WNK2: variants seen among roughly 807,000 people sequenced by gnomAD.
WNK2 encodes WNK lysine deficient protein kinase 2.
WNK2 carries 67 observed loss-of-function variants against 192.1 expected under a neutral mutation model. The observed-to-expected ratio is 0.35, with a 90% CI of 0.29 to 0.43. The LOEUF is 0.43. WNK2 is among the 20% of genes least tolerant of loss of function. WNK2 has a pLI of 1.00. For synonymous variants in WNK2, 1,439 were observed against 1,393.9 expected, an observed-to-expected ratio of 1.03 and a Z score of -0.72; for missense variants, 2,698 against 3,089.7, an observed-to-expected ratio of 0.87 and a Z score of 3.01.
intron 2 of WNK2, among the ~76,000 whole-genome samples, chr9:93,208,924 G>A (rs1016340992): frequency 1.3e-5 from 2 of 152,012 alleles, no homozygotes. Context: ...ATTCACATTC[G>A]TGCAGCAGAG....
chr9:93,293,279 G>A (rs1041916475), intron 23 of WNK2, 106 bp downstream of exon 23: 17 of 1,132,516 alleles, frequency 1.5e-5, no homozygotes, highest in East Asian at 1.5e-4. Context: ...GCCAAGCAGC[G>A]CCCACTTGGA....
intron 4 of WNK2, among the ~76,000 whole-genome samples, chr9:93,232,800 C>T (rs1247819269): frequency 6.6e-6 from 1 of 152,024 alleles, no homozygotes; most frequent in African/African-American, 2.4e-5. Flanking sequence ...CTCGTCAACC[C>T]AGCTTTTGCT....
intron 2 of WNK2, among the ~76,000 whole-genome samples, chr9:93,204,127 G>A (rs1832954784): frequency 6.6e-6 from 1 of 152,102 alleles, no homozygotes; most frequent in African/African-American, 2.4e-5. Flanking sequence ...CTGAGGAGGT[G>A]TTTTAACTGC....
At chr9:93,220,046 GA>G (rs985137473) in intron 2 of WNK2, among the ~76,000 whole-genome samples, 1 of 152,240 alleles carries the variant, frequency 6.6e-6, no homozygotes, top group African/African-American at 2.4e-5. Flanking sequence ...GGTTGTTGGG[GA>G]GGGAGTCTTG....
chr9:93,230,517 T>C (rs1293755842), intron 3 of WNK2, among the ~76,000 whole-genome samples: 3 of 152,168 alleles, frequency 2.0e-5, no homozygotes, highest in Non-Finnish European at 4.4e-5. Context: ...GGCCCTGGCC[T>C]TTCGTAACCC....
chr9:93,256,713 A>T, intron 10 of WNK2: 1 of 666,322 alleles, frequency 1.5e-6, no homozygotes, highest in African/African-American at 1.8e-5. Flanking sequence ...CTCACTCAGA[A>T]CATTTCTGCA....
At chr9:93,255,650 G>A (rs1468026023) in intron 9 of WNK2, among the ~76,000 whole-genome samples, 2 of 152,204 alleles carry the variant, frequency 1.3e-5, no homozygotes, top group Admixed American at 1.3e-4. Flanking sequence ...AGCCCTGCCT[G>A]CTCCTCACAT....
intron 28 of WNK2, among the ~76,000 whole-genome samples, chr9:93,314,116 CA>C (rs76294885): frequency 0.1 from 9,387 of 93,236 alleles, 306 homozygotes; most frequent in Middle Eastern, 0.17. Context: ...ACTAAAAGTA[CA>C]AAAAAAAAAA....
At chr9:93,258,262 C>G (rs1408334514) in intron 11 of WNK2, among the ~76,000 whole-genome samples, 2 of 152,116 alleles carry the variant, frequency 1.3e-5, no homozygotes, top group Non-Finnish European at 2.9e-5. Flanking sequence ...TCAGCCACCC[C>G]CAGGAGGCAC....
At chr9:93,207,351 G>T (rs952405743) in intron 2 of WNK2, among the ~76,000 whole-genome samples, 1 of 152,048 alleles carries the variant, frequency 6.6e-6, no homozygotes, top group Non-Finnish European at 1.5e-5. Context: ...CTGGTGGGGG[G>T]GCCTTGTCCA....
intron 23 of WNK2, among the ~76,000 whole-genome samples, chr9:93,293,674 G>A (rs1324299972): frequency 6.6e-6 from 1 of 152,058 alleles, no homozygotes; most frequent in Non-Finnish European, 1.5e-5. Flanking sequence ...GGCTGGGCCG[G>A]CCCCCACCCT....
At chr9:93,318,357 G>A in intron 29 of WNK2, 1 of 1,599,216 alleles carries the variant, frequency 6.3e-7, no homozygotes, top group Non-Finnish European at 8.5e-7. Context: ...ATTGCTAGGT[G>A]AGCCCTGCTT....
intron 2 of WNK2, among the ~76,000 whole-genome samples, chr9:93,191,199 A>G (rs1305970231): frequency 6.6e-6 from 1 of 152,010 alleles, no homozygotes; most frequent in Non-Finnish European, 1.5e-5. Flanking sequence ...CTGTCCTGTC[A>G]TTTCCGGGGA....
intron 19 of WNK2, among the ~76,000 whole-genome samples, chr9:93,274,429 G>A (rs1399705472): frequency 2.6e-5 from 4 of 151,018 alleles, no homozygotes; most frequent in African/African-American, 4.9e-5. Flanking sequence ...GGAGAATGGC[G>A]TGAACCCAGG....
chr9:93,265,778 G>T (rs1248735367), intron 16 of WNK2, among the ~76,000 whole-genome samples: 1 of 152,222 alleles, frequency 6.6e-6, no homozygotes, highest in Non-Finnish European at 1.5e-5. Flanking sequence ...CCACACATGC[G>T]ACATCAGCCA....
Position 93,230,984 on chromosome 9 carries a change from ACC to A in WNK2, c.953_954del (p.Pro318HisfsTer9). ...TGCTGTTCCTGCACACAAGGACGCC[ACC>A]CATCATCCACCGAGACCTGAAATGT... ...GLLFLHTRTP[P>X]IIHRDLKCDN... On this transcript the variant is annotated frameshift_variant, in exon 4 of 30. Coordinates refer to ENST00000427277, the MANE Select transcript of WNK2 (RefSeq NM_006648.4). LOFTEE classifies it high-confidence loss of function. 1 of 1,613,782 alleles carries A rather than the reference ACC, an allele frequency of 6.2e-7. No individual in the cohort carries two copies. The highest frequency in any genetic ancestry group is 8.5e-7 in the Non-Finnish European group (1 of 1,179,834).
rs560173787 is a variant in WNK2 at position 93,282,812 on chromosome 9, T to C, written c.4034-5976T>C. ...TTTCAACCACAGAATTAGTATCTTA[T>C]ATATACAGGACACTGTACTCAGTAG... On this transcript the variant is annotated intron_variant, in intron 19 of 29. Transcript: ENST00000427277. 1.6e-4 allele frequency among the ~76,000 whole-genome samples: 25 copies of C among 152,354 alleles called. No homozygotes were observed. In the South Asian group the frequency reaches 2.5e-3, roughly 15 times the overall value.
intron 29 of WNK2, chr9:93,318,649 C>G: frequency 6.4e-7 from 1 of 1,550,390 alleles, no homozygotes; most frequent in South Asian, 1.2e-5. Context: ...AGGCTGCCCT[C>G]TCTCCTGCCC....
intron 16 of WNK2, among the ~76,000 whole-genome samples, chr9:93,264,295 G>T (rs1008781261): frequency 2.0e-5 from 3 of 152,186 alleles, no homozygotes; most frequent in Non-Finnish European, 4.4e-5. Context: ...GAGCATCTGA[G>T]CCCTTCCTCC....
Sources: gnomAD v4.1 joint callset for allele counts (sites outside exome capture counted in the v4.1 genomes callset) on GRCh38, gnomAD v4.1.1 for gene constraint, MANE v1.5 for transcripts, NCBI Gene and HGNC (gene_info 2026-07-23, HGNC 2026-07-21) for gene names.